The following MZF1 variants were observed in gnomAD, a reference collection of about 807,000 sequenced individuals.
The protein encoded by MZF1 is myeloid zinc finger 1.
A neutral mutation model predicts 28.6 loss-of-function variants in MZF1; 24 were observed. That is an observed-to-expected ratio of 0.84 (90% CI 0.61 to 1.18). The LOEUF is 1.18. Ranked by LOEUF, MZF1 falls within the 50% of genes most tolerant of loss-of-function variation. The pLI is 0.00. For missense variants in MZF1, 1,166 were observed against 1,026.4 expected (o/e 1.14, Z -1.86); for synonymous variants, 516 against 432.5 (o/e 1.19, Z -2.40).
At chr19:58,563,609 C>A in intron 5 of MZF1, 105 bp from the exon 6 acceptor site, 2 of 951,064 alleles carry the variant, frequency 2.1e-6, no homozygotes, top group African/African-American at 1.7e-5. Flanking sequence ...TGAAACTGAC[C>A]AAAGAGGCAG....
chr19:58,571,907 A>C, intron 1 of MZF1: 1 of 159,594 alleles, frequency 6.3e-6, no homozygotes, highest in Non-Finnish European at 1.4e-5. Flanking sequence ...TCCTGGGCTC[A>C]AGCAGATGAT....
At chr19:58,566,197 G>A (rs1015115455) in intron 5 of MZF1, among the ~76,000 whole-genome samples, 4 of 150,578 alleles carry the variant, frequency 2.7e-5, no homozygotes, top group Admixed American at 6.6e-5. Flanking sequence ...CTGTGATCCC[G>A]GCACTTTGGC....
chr19:58,568,349 A>C (rs2054094853), intron 5 of MZF1: 1 of 152,194 alleles, frequency 6.6e-6, no homozygotes. Context: ...AAAGGAATGG[A>C]AAATTGGAGT....
rs201374067 is a variant in MZF1, at chr19:58,571,395, G to C, written c.-6C>G. ...CCCAGCACCGCAGGCCTCATAGAGG[G>C]TACCAGGTCAGGTATCTGAGGCCAG... On this transcript the variant is annotated 5_prime_UTR_variant, in exon 2 of 6. Coordinates refer to ENST00000215057, the MANE Select transcript of MZF1 (RefSeq NM_198055.2). 79 of 1,613,458 alleles carry C rather than the reference G, an allele frequency of 4.9e-5. No homozygotes were observed. The highest frequency in any genetic ancestry group is 6.6e-5 in the Non-Finnish European group (78 of 1,179,790).
chr19:58,567,315 C>T (rs537793779), intron 5 of MZF1, among the ~76,000 whole-genome samples: 2 of 152,308 alleles, frequency 1.3e-5, no homozygotes, highest in South Asian at 2.1e-4. Context: ...GAAGCAGATG[C>T]TGGGCAGGGC....
In MZF1 at chr19:58,562,687, C is replaced by G. The variant is rs1431912713; in HGVS notation, c.1590G>C (p.Gln530His). 1.9e-6 allele frequency: 3 copies of G among 1,538,592 alleles called. No homozygotes were observed. The African/African-American group carries it at 4.1e-5, about 21-fold the overall frequency. ...GCTCGCCACTGTGCACGCGCCGGTG[C>G]TGCAGCAGCACTGAGCGGCGGCCGA... ...ERFGRRSVLL[Q>H]HRRVHSGERP... Residue 530 changes from glutamine to histidine, a missense_variant, in exon 6 of 6, where the codon CAG becomes CAC. Coordinates refer to ENST00000215057, the MANE Select transcript of MZF1 (RefSeq NM_198055.2).
At position 58,562,946 on chromosome 19, in the gene MZF1, T is replaced by C; in HGVS notation, c.1331A>G (p.Glu444Gly). Residue 444 changes from glutamate to glycine, a missense_variant, in exon 6 of 6, where the codon GAG becomes GGG. Glu to Gly is a moderately conservative substitution (Grantham distance 98). Coordinates refer to ENST00000215057, the MANE Select transcript of MZF1 (RefSeq NM_198055.2). The stretch of plus-strand genomic sequence containing the variant: ...GCGCTGCCGGAAGCTCTGGCCGCAC[T>C]CAGCGCAACGGAAAGGCTGTTCGCC... ...HTGEQPFRCA[E>G]CGQSFRQRSN... 6.3e-7 allele frequency: 1 copy of C among 1,598,618 alleles called. No individual in the cohort carries two copies. The highest frequency in any genetic ancestry group is 8.5e-7 in the Non-Finnish European group (1 of 1,177,494).
intron 3 of MZF1, 75 bp downstream of exon 3, chr19:58,570,269 C>T: frequency 6.8e-7 from 1 of 1,471,682 alleles, no homozygotes; most frequent in Non-Finnish European, 9.1e-7. Flanking sequence ...CAGTGGACTT[C>T]AGACTGACTG....
In MZF1 at chr19:58,569,473, C is replaced by A. The variant is rs756870795; in HGVS notation, c.651+43G>T. ...GGACCTACCTGACCCCACCCAGCAA[C>A]TTCCAGGGAAAGGAGGAGAACATGG... is the stretch of plus-strand genomic sequence containing the variant. On this transcript the variant is annotated intron_variant, in intron 4 of 5. Coordinates refer to ENST00000215057, the MANE Select transcript of MZF1 (RefSeq NM_198055.2). 1.9e-6 allele frequency: 3 copies of A among 1,613,366 alleles called. No homozygotes were observed. In the Admixed American group the frequency reaches 5.0e-5, roughly 27 times the overall value.
At chr19:58,567,187 C>A in intron 5 of MZF1, among the ~76,000 whole-genome samples, 1 of 152,234 alleles carries the variant, frequency 6.6e-6, no homozygotes, top group Non-Finnish European at 1.5e-5. Context: ...GGATTACAGG[C>A]ATGAGCGGCT....
chr19:58,571,072 C>A lies in MZF1; in HGVS notation c.318G>T (p.Gly106=), dbSNP rs371963316. The A allele has an allele frequency of 5.4e-5, 87 of 1,613,446 alleles. No individual in the cohort carries two copies. Among genetic ancestry groups the A allele is most frequent in the Non-Finnish European group, 7.2e-5 (85 of 1,179,936 alleles). ...CCTCCTCGGGGCTGCCTGGCCGCTG[C>A]CCCTGCACACGGGCCTGGATCTCAG... ...LPPEIQARVQ[G]QRPGSPEEAA... The change falls in exon 2 of 6, where the codon GGG becomes GGT. Residue 106 remains glycine, a synonymous_variant. Coordinates refer to ENST00000215057, the MANE Select transcript of MZF1 (RefSeq NM_198055.2).
intron 2 of MZF1, 131 bp downstream of exon 2, chr19:58,570,863 G>A: frequency 2.0e-6 from 2 of 1,014,338 alleles, no homozygotes; most frequent in Non-Finnish European, 2.9e-6. Context: ...CTTGCACAGG[G>A]TCTCTGTTGC....
chr19:58,563,273 C>T lies in MZF1; in HGVS notation c.1004G>A (p.Trp335Ter). ...GVGPALITTR[W>*]RSPRGRSRGR... ...CCGGCTCCGGCCCCTGGGGGAGCGC[C>T]AGCGGGTGGTGATCAGAGCAGGGCC... The change falls in exon 6 of 6, where the codon TGG becomes TAG. Residue 335 changes from tryptophan (W) to a stop codon, truncating the protein, a stop_gained. Transcript: ENST00000215057. LOFTEE classifies it low-confidence loss of function (END_TRUNC). The T allele has an allele frequency of 1.9e-6, 3 of 1,607,360 alleles. No individual in the cohort carries two copies. The highest frequency in any genetic ancestry group is 2.5e-6 in the Non-Finnish European group (3 of 1,177,366).
intron 2 of MZF1, 96 bp downstream of exon 2, chr19:58,570,898 G>C: frequency 7.3e-7 from 1 of 1,369,668 alleles, no homozygotes. Context: ...GTACCACAAG[G>C]GAGAACGTGT....
At chr19:58,567,505 C>G (rs896201365) in intron 5 of MZF1, among the ~76,000 whole-genome samples, 12 of 152,206 alleles carry the variant, frequency 7.9e-5, no homozygotes, top group African/African-American at 2.9e-4. Flanking sequence ...TAATCTCTTT[C>G]CCAAGGATGC....
chr19:58,562,240 C>A lies in MZF1; in HGVS notation c.2037G>T (p.Arg679=), dbSNP rs766747675. 1 of 1,604,686 alleles carries A rather than the reference C, an allele frequency of 6.2e-7. No individual in the cohort carries two copies. Among genetic ancestry groups the A allele is most frequent in the Admixed American group, 1.7e-5 (1 of 59,246 alleles). The part of the protein sequence containing the change: ...TQHRRIHTGE[R]PYACPECGKA... The stretch of plus-strand genomic sequence containing the variant: ...TGCCACACTCAGGGCATGCGTAGGG[C>A]CGTTCACCCGTGTGGATGCGCCGGT... The change falls in exon 6 of 6, where the codon CGG becomes CGT. Residue 679 remains arginine (R), a synonymous_variant. Transcript: ENST00000215057.
chr19:58,563,000 C>G lies in MZF1; in HGVS notation c.1277G>C (p.Arg426Pro), dbSNP rs752636714. The G allele has an allele frequency of 1.2e-6, 2 of 1,601,902 alleles. No individual in the cohort carries two copies. Among genetic ancestry groups the G allele is most frequent in the Non-Finnish European group, 1.7e-6 (2 of 1,179,658 alleles). Residue 426 changes from arginine (R) to proline (P), a missense_variant, in exon 6 of 6, where the codon CGC (arginine) becomes CCC (proline). Arg to Pro is a moderately radical substitution (Grantham distance 103). Coordinates refer to ENST00000215057, the MANE Select transcript of MZF1 (RefSeq NM_198055.2). Reference protein sequence around the residue: ...DCGQGFVRSARLEEHRRVHTG... With the variant: ...DCGQGFVRSAPLEEHRRVHTG... ...GTGCACTCTCCGATGCTCTTCCAGG[C>G]GCGCGCTGCGCACGAAGCCCTGGCC...
chr19:58,570,534 A>C lies in MZF1; in HGVS notation c.397-7T>G. On this transcript the variant is annotated splice_region_variant and splice_polypyrimidine_tract_variant and intron_variant, in intron 2 of 5. Coordinates refer to ENST00000215057, the MANE Select transcript of MZF1 (RefSeq NM_198055.2). Reference sequence around the variant, plus strand: ...CCTGCACCTGGACTGTGACCTGGGGAGGTGCCCCCACCATCAGAAGTCCTA... The same window carrying C: ...CCTGCACCTGGACTGTGACCTGGGGCGGTGCCCCCACCATCAGAAGTCCTA... The C allele has an allele frequency of 6.2e-7, 1 of 1,609,258 alleles. No individual in the cohort carries two copies. The highest frequency in any genetic ancestry group is 8.5e-7 in the Non-Finnish European group (1 of 1,177,662).
Position 58,563,164 on chromosome 19 carries a change from C to T in MZF1, c.1113G>A (p.Leu371=), listed in dbSNP as rs761722502. Reference sequence around the variant, plus strand: ...CCGTGTGGATCTTCTGGTGCCTCAGCAGGTTGCTGCGTTGGCTGAACACCT... The same window carrying T: ...CCGTGTGGATCTTCTGGTGCCTCAGTAGGTTGCTGCGTTGGCTGAACACCT... The part of the protein sequence containing the change: ...CGKVFSQRSN[L]LRHQKIHTGE... Residue 371 remains leucine (L), a synonymous_variant, in exon 6 of 6, where the codon CTG becomes CTA. Coordinates refer to ENST00000215057, the MANE Select transcript of MZF1 (RefSeq NM_198055.2). 6.2e-7 allele frequency: 1 copy of T among 1,609,824 alleles called. No homozygotes were observed. The highest frequency in any genetic ancestry group is 1.7e-5 in the Admixed American group (1 of 59,910).
Sources: allele counts gnomAD v4.1 joint callset (sites outside exome capture counted in the v4.1 genomes callset), GRCh38; gene constraint gnomAD v4.1.1; transcripts MANE v1.5; gene names NCBI Gene and HGNC (gene_info 2026-07-23, HGNC 2026-07-21).